The following HTR1F variants were observed in gnomAD, a reference collection of about 807,000 sequenced individuals.
HTR1F encodes the protein 5-hydroxytryptamine (serotonin) receptor 1F, G protein-coupled.
In HTR1F, 17 loss-of-function variants were observed where a neutral mutation model predicts 24.0. The ratio of observed to expected loss-of-function variants is 0.71; its 90% CI spans 0.48 to 1.06. HTR1F has a LOEUF of 1.06. Among genes scored for constraint, HTR1F ranks in the 50% least tolerant of loss-of-function variants. HTR1F has a pLI of 0.00. For missense variants in HTR1F, 391 were observed against 427.8 expected, an observed-to-expected ratio of 0.91 and a Z score of 0.76; for synonymous variants, 186 against 156.8, an observed-to-expected ratio of 1.19 and a Z score of -1.39.
At chr3:87,865,783 T>C (rs1705414506) in intron 2 of HTR1F, among the ~76,000 whole-genome samples, 2 of 152,220 alleles carry the variant, frequency 1.3e-5, no homozygotes, top group Admixed American at 1.3e-4. Context: ...GTTTCTGGTA[T>C]GGGACTATTA....
At chr3:87,927,531 G>T (rs1161768710) in intron 2 of HTR1F, among the ~76,000 whole-genome samples, 1 of 151,720 alleles carries the variant, frequency 6.6e-6, no homozygotes, top group African/African-American at 2.4e-5. Context: ...ATATTATTTG[G>T]GTTTCCTAAA....
intron 1 of HTR1F, among the ~76,000 whole-genome samples, chr3:87,812,427 GC>G (rs1704176233): frequency 6.1e-5 from 1 of 16,432 alleles, no homozygotes; most frequent in African/African-American, 3.0e-4. Flanking sequence ...GTGGAATTTT[GC>G]CCCTGCCCTA....
At chr3:87,974,985 C>A (rs1705363486) in intron 2 of HTR1F, among the ~76,000 whole-genome samples, 1 of 152,106 alleles carries the variant, frequency 6.6e-6, no homozygotes, top group Non-Finnish European at 1.5e-5. Flanking sequence ...ATCCATCATC[C>A]TTTAACCATG....
At chr3:87,887,364 T>C (rs1705973994) in intron 2 of HTR1F, among the ~76,000 whole-genome samples, 1 of 152,130 alleles carries the variant, frequency 6.6e-6, no homozygotes, top group African/African-American at 2.4e-5. Flanking sequence ...CCTAAAACCA[T>C]AAAAACCCTA....
At chr3:87,853,065 G>A (rs1234113366) in intron 2 of HTR1F, among the ~76,000 whole-genome samples, 1 of 150,328 alleles carries the variant, frequency 6.7e-6, no homozygotes, top group Non-Finnish European at 1.5e-5. Context: ...TATGTGCTTA[G>A]ACTTCAGATT....
chr3:87,923,882 G>A (rs769635154), intron 2 of HTR1F, among the ~76,000 whole-genome samples: 3 of 151,874 alleles, frequency 2.0e-5, no homozygotes, highest in Non-Finnish European at 4.4e-5. Context: ...AAGTGCTGTT[G>A]GATTTGGCTT....
intron 2 of HTR1F, among the ~76,000 whole-genome samples, chr3:87,876,859 T>C (rs1311937917): frequency 6.6e-6 from 1 of 152,124 alleles, no homozygotes; most frequent in Non-Finnish European, 1.5e-5. Context: ...CCCCTCCTTT[T>C]CATTAAAGCC....
At chr3:87,977,759 C>CT (rs1705430151) in intron 2 of HTR1F, among the ~76,000 whole-genome samples, 1 of 128,134 alleles carries the variant, frequency 7.8e-6, no homozygotes, top group Non-Finnish European at 1.7e-5. Flanking sequence ...CTTTCCTGAG[C>CT]TCACACACAC....
intron 2 of HTR1F, among the ~76,000 whole-genome samples, chr3:87,939,167 G>C (rs1383774255): frequency 2.0e-5 from 3 of 152,182 alleles, no homozygotes; most frequent in African/African-American, 7.2e-5. Context: ...TTATGTGACG[G>C]ATTACATTTA....
chr3:87,878,249 A>T (rs534406369), intron 2 of HTR1F, among the ~76,000 whole-genome samples: 1 of 152,298 alleles, frequency 6.6e-6, no homozygotes, highest in South Asian at 2.1e-4. Context: ...TTTATGAACC[A>T]GATCACTGAG....
intron 2 of HTR1F, among the ~76,000 whole-genome samples, chr3:87,941,834 C>T (rs530154696): frequency 6.6e-6 from 1 of 152,148 alleles, no homozygotes; most frequent in South Asian, 2.1e-4. Context: ...AATGGCCTCA[C>T]TGATAATCCT....
chr3:87,908,993 A>G (rs1703721181), intron 2 of HTR1F, among the ~76,000 whole-genome samples: 1 of 152,122 alleles, frequency 6.6e-6, no homozygotes, highest in Non-Finnish European at 1.5e-5. Context: ...AGTAGTAGAT[A>G]TAATTAATGT....
intron 2 of HTR1F, among the ~76,000 whole-genome samples, chr3:87,841,636 A>AC (rs1704805005): frequency 6.6e-6 from 1 of 151,836 alleles, no homozygotes. Flanking sequence ...GCGGTGGCTC[A>AC]CGTCTGTAAT....
chr3:87,930,556 GT>G (rs1257130591), intron 2 of HTR1F, among the ~76,000 whole-genome samples: 2 of 152,098 alleles, frequency 1.3e-5, no homozygotes, highest in Non-Finnish European at 2.9e-5. Context: ...TATGGTTTTT[GT>G]TTTTAGTTCT....
intron 2 of HTR1F, among the ~76,000 whole-genome samples, chr3:87,875,799 C>T (rs190260003): frequency 4.3e-4 from 65 of 151,794 alleles, no homozygotes; most frequent in Non-Finnish European, 6.8e-4. Flanking sequence ...TGGTGGGTGC[C>T]TGTAGTCCCA....
intron 2 of HTR1F, among the ~76,000 whole-genome samples, chr3:87,886,995 C>T (rs989909847): frequency 4.6e-4 from 70 of 151,500 alleles, no homozygotes; most frequent in Non-Finnish European, 4.0e-4. Context: ...CACATGGAAC[C>T]GTAAAAGAGC....
intron 2 of HTR1F, among the ~76,000 whole-genome samples, chr3:87,842,722 A>G (rs531180643): frequency 6.6e-6 from 1 of 152,114 alleles, no homozygotes; most frequent in South Asian, 2.1e-4. Flanking sequence ...AAGAGACTAG[A>G]AATCTCTACA....
At chr3:87,800,805 G>C (rs1304200177) in intron 1 of HTR1F, among the ~76,000 whole-genome samples, 3 of 152,078 alleles carry the variant, frequency 2.0e-5, no homozygotes, top group Non-Finnish European at 4.4e-5. Context: ...GTCTTTCTTG[G>C]TTCATTGGTA....
chr3:87,931,652 T>G (rs571704160), intron 2 of HTR1F, among the ~76,000 whole-genome samples: 2 of 152,238 alleles, frequency 1.3e-5, no homozygotes, highest in South Asian at 2.1e-4. Flanking sequence ...TGAACTAGTT[T>G]ACAGTCCCAC....
Sources: gnomAD v4.1 joint callset for allele counts (sites outside exome capture counted in the v4.1 genomes callset) on GRCh38, gnomAD v4.1.1 for gene constraint, MANE v1.5 for transcripts, NCBI Gene and HGNC (gene_info 2026-07-23, HGNC 2026-07-21) for gene names.